Variants in ZFAND1 observed in about 807,000 individuals in gnomAD.
ZFAND1 encodes the protein zinc finger AN1-type containing 1, also known as AN1-type zinc finger protein 1.
ZFAND1 carries 40 observed loss-of-function variants against 38.5 expected under a neutral mutation model. The ratio of observed to expected loss-of-function variants is 1.04; its 90% confidence interval spans 0.81 to 1.35. The LOEUF is 1.35. ZFAND1 is among the 40% of genes most tolerant of loss of function. The pLI is 0.00. For missense variants in ZFAND1, 346 were observed against 316.3 expected, an observed-to-expected ratio of 1.09 and a Z score of -0.71; for synonymous variants, 117 against 103.6, an observed-to-expected ratio of 1.13 and a Z score of -0.78.
intron 6 of ZFAND1, among the ~76,000 whole-genome samples, chr8:81,707,741 A>G (rs1808024545): frequency 6.6e-6 from 1 of 152,232 alleles, no homozygotes; most frequent in South Asian, 2.1e-4. Context: ...ATAAATGAGT[A>G]GACTGTAACA....
rs1436968684 is a variant in ZFAND1, at chr8:81,702,530, C to T, written c.*165G>A. On this transcript the variant is annotated 3_prime_UTR_variant, in exon 8 of 8. Coordinates refer to ENST00000220669, the MANE Select transcript of ZFAND1 (RefSeq NM_024699.3). Reference sequence around the variant, plus strand: ...GATCCGTACACAATTAAACTTAAAACCAAAAAACTCTAATAGAAAACTCAT... The same window carrying T: ...GATCCGTACACAATTAAACTTAAAATCAAAAAACTCTAATAGAAAACTCAT... The T allele has an allele frequency of 7.4e-6, 4 of 541,684 alleles. No individual in the cohort carries two copies. The highest frequency in any genetic ancestry group is 5.9e-5 in the African/African-American group (3 of 50,496). The allele number at this position is 541,684 out of a possible 1,614,324, so 33.6% of individuals were successfully genotyped here.
chr8:81,715,884 A>G (rs1263166148), intron 3 of ZFAND1, among the ~76,000 whole-genome samples: 1 of 152,244 alleles, frequency 6.6e-6, no homozygotes, highest in Non-Finnish European at 1.5e-5. Flanking sequence ...TATCTGAGAC[A>G]CATTCAGAGG....
At chr8:81,717,986 C>T (rs756435280) in intron 2 of ZFAND1, among the ~76,000 whole-genome samples, 196 bp downstream of exon 2, 8 of 152,014 alleles carry the variant, frequency 5.3e-5, no homozygotes, top group Non-Finnish European at 1.2e-4. Context: ...ATAAAATTCA[C>T]ATACATAACC....
intron 3 of ZFAND1, 79 bp downstream of exon 3, chr8:81,717,170 C>T: frequency 8.1e-7 from 1 of 1,236,640 alleles, no homozygotes; most frequent in Non-Finnish European, 1.1e-6. Flanking sequence ...ATACTGACTG[C>T]CTTTAAATCT....
At chr8:81,704,651 A>C (rs1238788164) in intron 6 of ZFAND1, among the ~76,000 whole-genome samples, 2 of 152,144 alleles carry the variant, frequency 1.3e-5, no homozygotes, top group African/African-American at 4.8e-5. Context: ...TTTACAGGTC[A>C]ATTCTTGCTA....
rs1389575049 is a variant in ZFAND1 at position 81,702,455 on chromosome 8, G to A, written c.*240C>T. On this transcript the variant is annotated 3_prime_UTR_variant, in exon 8 of 8. Coordinates refer to ENST00000220669, the MANE Select transcript of ZFAND1 (RefSeq NM_024699.3). ...ATACATCTTTGTTGTTGTCACTACA[G>A]CATAAACTAATGAAAGCTAATTAAA... 2 of 258,296 alleles carry A rather than the reference G, an allele frequency of 7.7e-6. No individual in the cohort carries two copies. The highest frequency in any genetic ancestry group is 4.5e-5 in the African/African-American group (2 of 44,612). The allele number at this position is 258,296 out of a possible 1,614,324, so 16.0% of individuals were successfully genotyped here.
At chr8:81,713,701 A>G (rs114147564) in intron 6 of ZFAND1, among the ~76,000 whole-genome samples, 1,555 of 152,340 alleles carry the variant, frequency 0.01, 24 homozygotes, top group African/African-American at 0.035. Flanking sequence ...GGAAAAAAAA[A>G]GACAACTCGA....
In ZFAND1 at chr8:81,703,025, C is replaced by A. The variant is rs267602017; in HGVS notation, c.580G>T (p.Asp194Tyr). 31 of 1,583,548 alleles carry A rather than the reference C, an allele frequency of 2.0e-5. No individual in the cohort carries two copies. In the Admixed American group the frequency reaches 2.6e-4, roughly 13 times the overall value. The change falls in exon 7 of 8, where the codon GAC becomes TAC. Residue 194 changes from aspartate (D) to tyrosine (Y), a missense_variant. Physicochemically the swap from Asp to Tyr is radical, Grantham distance 160 (BLOSUM62 -3). Transcript: ENST00000220669. Reference protein sequence around the residue: ...CHRWSIGKAIDFAASLARLKN... With the variant: ...CHRWSIGKAIYFAASLARLKN... ...AGCCTGGCTAGAGAAGCGGCAAAGT[C>A]TATGGCCTTTCCAATGCTCCATCGG...
At chr8:81,715,843 A>C (rs1808292816) in intron 3 of ZFAND1, among the ~76,000 whole-genome samples, 2 of 152,188 alleles carry the variant, frequency 1.3e-5, no homozygotes, top group African/African-American at 4.8e-5. Flanking sequence ...TGGCCTAATG[A>C]TGTTTCAATA....
At chr8:81,705,132 C>G (rs1807938690) in intron 6 of ZFAND1, among the ~76,000 whole-genome samples, 2 of 152,084 alleles carry the variant, frequency 1.3e-5, no homozygotes, top group South Asian at 4.1e-4. Flanking sequence ...GTCAGGCTCC[C>G]TGCTCGGAAG....
At chr8:81,720,963 C>G in intron 1 of ZFAND1, 2 of 509,776 alleles carry the variant, frequency 3.9e-6, no homozygotes, top group South Asian at 5.0e-5. Flanking sequence ...CCAGAAGAAA[C>G]GCTCCCACCC....
At chr8:81,706,814 GA>G (rs1389226815) in intron 6 of ZFAND1, among the ~76,000 whole-genome samples, 36 of 152,224 alleles carry the variant, frequency 2.4e-4, no homozygotes, top group Middle Eastern at 3.4e-3. Context: ...CAGAGCTGAA[GA>G]TTTTTTTTCT....
chr8:81,709,052 A>G (rs763167279), intron 6 of ZFAND1, among the ~76,000 whole-genome samples: 41 of 152,218 alleles, frequency 2.7e-4, no homozygotes, highest in Non-Finnish European at 4.6e-4. Flanking sequence ...AATTTATCTC[A>G]CAGAAAGAAA....
At chr8:81,721,050 C>CA (rs1189234483) in intron 1 of ZFAND1, 177 bp downstream of exon 1, 13 of 590,692 alleles carry the variant, frequency 2.2e-5, no homozygotes, top group Middle Eastern at 4.5e-4. Flanking sequence ...AGCTCACGGC[C>CA]AAAAAAAACC....
intron 6 of ZFAND1, among the ~76,000 whole-genome samples, chr8:81,706,730 TA>T (rs1162091553): frequency 6.6e-6 from 1 of 152,000 alleles, no homozygotes; most frequent in African/African-American, 2.4e-5. Context: ...ACTAGAAAAT[TA>T]AAAAACACTA....
At chr8:81,715,805 T>C (rs1808291294) in intron 3 of ZFAND1, among the ~76,000 whole-genome samples, 1 of 152,230 alleles carries the variant, frequency 6.6e-6, no homozygotes, top group African/African-American at 2.4e-5. Flanking sequence ...TTGGAATTAA[T>C]TTAAGTATCT....
intron 5 of ZFAND1, chr8:81,714,587 A>G (rs916619773): frequency 1.2e-5 from 6 of 495,520 alleles, no homozygotes; most frequent in South Asian, 2.2e-5. Context: ...AGCAAAAGAG[A>G]TAAGTACTTA....
chr8:81,720,155 A>G (rs150202610), intron 1 of ZFAND1, among the ~76,000 whole-genome samples: 3 of 152,318 alleles, frequency 2.0e-5, no homozygotes, highest in African/African-American at 4.8e-5. Flanking sequence ...GGGAGATTAA[A>G]CCTGTTTGCT....
intron 3 of ZFAND1, 92 bp from the exon 4 acceptor site, chr8:81,715,206 T>C (rs1158824522): frequency 7.1e-7 from 1 of 1,412,778 alleles, no homozygotes; most frequent in Non-Finnish European, 9.6e-7. Context: ...ATTTTATTTT[T>C]GCTTAAACTT....
Sources: gnomAD v4.1 joint callset for allele counts (sites outside exome capture counted in the v4.1 genomes callset) on GRCh38, gnomAD v4.1.1 for gene constraint, MANE v1.5 for transcripts, NCBI Gene and HGNC (gene_info 2026-07-23, HGNC 2026-07-21) for gene names.